The following PLCXD3 variants were observed in gnomAD, a reference collection of about 807,000 sequenced individuals.
PLCXD3 encodes PI-PLC X domain-containing protein 3.
PLCXD3 carries 19 observed loss-of-function variants against 25.5 expected under a neutral mutation model. That is an observed-to-expected ratio of 0.75 (90% CI 0.52 to 1.09). The LOEUF (loss-of-function observed/expected upper bound fraction) is 1.09. Among genes scored for constraint, PLCXD3 ranks in the 50% least tolerant of loss-of-function variants. PLCXD3 has a pLI of 0.00. For missense variants in PLCXD3, 411 were observed against 388.1 expected (o/e 1.06, Z -0.50); for synonymous variants, 174 against 137.6 (o/e 1.26, Z -1.85).
chr5:41,447,191 G>A (rs546731337), intron 1 of PLCXD3, among the ~76,000 whole-genome samples: 5 of 152,216 alleles, frequency 3.3e-5, no homozygotes, highest in Admixed American at 6.5e-5. Context: ...TGATCAATTT[G>A]GTCATGTTAA....
At chr5:41,435,980 C>G (rs1747240872) in intron 1 of PLCXD3, among the ~76,000 whole-genome samples, 1 of 152,294 alleles carries the variant, frequency 6.6e-6, no homozygotes, top group Admixed American at 6.5e-5. Context: ...CCTGAGGATA[C>G]CACTCAACCC....
At chr5:41,415,777 T>G (rs1201288314) in intron 1 of PLCXD3, among the ~76,000 whole-genome samples, 2 of 152,144 alleles carry the variant, frequency 1.3e-5, no homozygotes, top group Non-Finnish European at 2.9e-5. Flanking sequence ...TTTGAGGTAA[T>G]TTGCCCCTAT....
rs147518814 is a variant in PLCXD3 at position 41,424,641 on chromosome 5, C to G, written c.104-42107G>C. ...GCTGTCCATTACTTTTTCTTTGATG[C>G]AAGAAATATTGCAATTTTTGACTTC... On this transcript the variant is annotated intron_variant, in intron 1 of 2. Transcript: ENST00000377801. Among the ~76,000 whole-genome samples, 440 of 152,268 alleles carry G rather than the reference C, an allele frequency of 2.9e-3. 4 individuals are homozygous for G. Among genetic ancestry groups the G allele is most frequent in the African/African-American group, 1.0e-2 (414 of 41,558 alleles).
chr5:41,318,947 A>G (rs573871926), intron 2 of PLCXD3, among the ~76,000 whole-genome samples: 1 of 152,334 alleles, frequency 6.6e-6, no homozygotes, highest in South Asian at 2.1e-4. Flanking sequence ...AAATGAACAA[A>G]AAAAGCAGGA....
In PLCXD3 at chr5:41,379,175, C is replaced by T. The variant is rs557577076; in HGVS notation, c.812+2651G>A. 9.9e-5 allele frequency among the ~76,000 whole-genome samples: 15 copies of T among 152,156 alleles called. No individual in the cohort carries two copies. In the East Asian group the frequency reaches 2.3e-3, roughly 24 times the overall value. On this transcript the variant is annotated intron_variant, in intron 2 of 2. Coordinates refer to ENST00000377801, the MANE Select transcript of PLCXD3 (RefSeq NM_001005473.3). ...AATAGAGGGAGTTGGAGTCAGTTCC[C>T]TGCCAGGCTCCTGCTGCCTTTTCCC...
At chr5:41,356,553 T>C (rs1192665204) in intron 2 of PLCXD3, among the ~76,000 whole-genome samples, 1 of 152,222 alleles carries the variant, frequency 6.6e-6, no homozygotes, top group East Asian at 1.9e-4. Flanking sequence ...ATGTTAAGCC[T>C]CTTATTATTG....
intron 2 of PLCXD3, among the ~76,000 whole-genome samples, chr5:41,317,542 A>G (rs1424421362): frequency 1.3e-5 from 2 of 152,084 alleles, no homozygotes; most frequent in Admixed American, 1.3e-4. Context: ...CCAATCCTGG[A>G]GAAACAGAGA....
Position 41,481,129 on chromosome 5 carries a change from A to G in PLCXD3, c.103+29295T>C, listed in dbSNP as rs201456051. ...AAAAAAAAAAAAAAAAAAAAAAAAG[A>G]AAGGAAGGGAAAAAAAGCTTGGACA... On this transcript the variant is annotated intron_variant, in intron 1 of 2. Coordinates refer to ENST00000377801, the MANE Select transcript of PLCXD3 (RefSeq NM_001005473.3). 7.2e-4 allele frequency among the ~76,000 whole-genome samples: 105 copies of G among 146,378 alleles called. 1 individual carries two copies. The East Asian group carries it at 0.014, about 20-fold the overall frequency.
intron 1 of PLCXD3, among the ~76,000 whole-genome samples, chr5:41,400,834 C>CTTAAAGAATATA (rs948101944): frequency 6.6e-6 from 1 of 151,920 alleles, no homozygotes; most frequent in African/African-American, 2.4e-5. Context: ...TTTAAAATAA[C>CTTAAAGAATATA]TTAAAGAATA....
rs1743164926 is a variant in PLCXD3 at position 41,312,675 on chromosome 5, CCTTT to C, written c.*938_*941del. 1 of 120,434 alleles carries C rather than the reference CCTTT, an allele frequency of 8.3e-6. No individual in the cohort carries two copies. The highest frequency in any genetic ancestry group is 3.1e-5 in the African/African-American group (1 of 32,084). The allele number at this position is 120,434 out of a possible 1,614,324, so 7.5% of individuals were successfully genotyped here. A position where few individuals can be genotyped will look rare whatever the true frequency, so the allele number is the denominator to read the frequency against. ...TCTTCCCTCCCTTCCTCCCTCCCTT[CCTTT>C]CTTCCTTTCCTTCCTTCCTTCCTTC... On this transcript the variant is annotated 3_prime_UTR_variant, in exon 3 of 3. Transcript: ENST00000377801.
chr5:41,414,723 T>A (rs1426819882), intron 1 of PLCXD3, among the ~76,000 whole-genome samples: 1 of 152,232 alleles, frequency 6.6e-6, no homozygotes, highest in South Asian at 2.1e-4. Context: ...TTATAAGTTT[T>A]AAATTGTGCA....
At chr5:41,490,292 A>G (rs912716775) in intron 1 of PLCXD3, among the ~76,000 whole-genome samples, 52 of 152,296 alleles carry the variant, frequency 3.4e-4, no homozygotes, top group East Asian at 3.9e-4. Context: ...AGCCCACTTG[A>G]TCATGGTGGA....
intron 1 of PLCXD3, among the ~76,000 whole-genome samples, chr5:41,483,153 C>A (rs1217416772): frequency 6.6e-6 from 1 of 152,060 alleles, no homozygotes; most frequent in Non-Finnish European, 1.5e-5. Context: ...TTAAAGTGAA[C>A]CTGACATGAT....
chr5:41,399,965 T>C (rs980218063), intron 1 of PLCXD3, among the ~76,000 whole-genome samples: 1 of 152,060 alleles, frequency 6.6e-6, no homozygotes, highest in Non-Finnish European at 1.5e-5. Context: ...ATAACCAGAA[T>C]ATATAAGGAG....
intron 1 of PLCXD3, among the ~76,000 whole-genome samples, chr5:41,434,539 G>A (rs1747191537): frequency 6.6e-6 from 1 of 152,076 alleles, no homozygotes; most frequent in Non-Finnish European, 1.5e-5. Context: ...CTTTTTTGTA[G>A]GGCACAATTG....
chr5:41,460,810 G>A (rs1259636392), intron 1 of PLCXD3, among the ~76,000 whole-genome samples: 2 of 151,890 alleles, frequency 1.3e-5, no homozygotes, highest in Admixed American at 6.6e-5. Flanking sequence ...TCTTGCTTAC[G>A]AATGTGCAAA....
At position 41,313,520 on chromosome 5, in the gene PLCXD3, G is replaced by T; in HGVS notation, c.*97C>A. 2.1e-6 allele frequency: 3 copies of T among 1,440,320 alleles called. No individual in the cohort carries two copies. Among genetic ancestry groups the T allele is most frequent in the East Asian group, 4.6e-5 (2 of 43,758 alleles). 89.2% of individuals were successfully genotyped at this position (1,440,320 alleles called of 1,614,324 possible). On this transcript the variant is annotated 3_prime_UTR_variant, in exon 3 of 3. Coordinates refer to ENST00000377801, the MANE Select transcript of PLCXD3 (RefSeq NM_001005473.3). ...CACTACCAGCCCTATTCCCTTCAGAGACTCAGTGGAATAGGAAGATCAGAG... is the reference window on the plus strand; with the variant it reads ...CACTACCAGCCCTATTCCCTTCAGATACTCAGTGGAATAGGAAGATCAGAG...
At chr5:41,420,546 T>A (rs114662150) in intron 1 of PLCXD3, among the ~76,000 whole-genome samples, 1 of 152,180 alleles carries the variant, frequency 6.6e-6, no homozygotes, top group Non-Finnish European at 1.5e-5. Context: ...ACTGTCAGGG[T>A]CTACCTCCAA....
At chr5:41,352,334 TTC>T (rs955588735) in intron 2 of PLCXD3, among the ~76,000 whole-genome samples, 3 of 152,166 alleles carry the variant, frequency 2.0e-5, no homozygotes, top group African/African-American at 7.2e-5. Flanking sequence ...GCCTCAAGAG[TTC>T]TCTTTTTCCC....
Sources: allele counts gnomAD v4.1 joint callset (sites outside exome capture counted in the v4.1 genomes callset), GRCh38; gene constraint gnomAD v4.1.1; transcripts MANE v1.5; gene names NCBI Gene and HGNC (gene_info 2026-07-23, HGNC 2026-07-21).